MPRIP: variants seen among roughly 807,000 people sequenced by gnomAD.
MPRIP encodes the protein myosin phosphatase Rho-interacting protein.
Under a neutral mutation model 234.9 loss-of-function variants are expected in MPRIP, and 59 were observed. The ratio of observed to expected loss-of-function variants is 0.25; its 90% CI spans 0.20 to 0.31. The LOEUF is 0.31. Among genes scored for constraint, MPRIP ranks in the 10% least tolerant of loss-of-function variants. The pLI is 1.00. For missense variants in MPRIP, 2,436 were observed against 3,071.0 expected (o/e 0.79, Z 4.89); for synonymous variants, 1,144 against 1,263.9 (o/e 0.91, Z 2.01).
chr17:17,049,708 G>A (rs1338407615), intron 1 of MPRIP, among the ~76,000 whole-genome samples: 4 of 152,180 alleles, frequency 2.6e-5, no homozygotes, highest in Non-Finnish European at 4.4e-5. Flanking sequence ...AAATCGAGGA[G>A]GTTGTGTAGG....
At chr17:17,087,503 C>T (rs1293360735) in intron 3 of MPRIP, among the ~76,000 whole-genome samples, 4 of 152,326 alleles carry the variant, frequency 2.6e-5, no homozygotes, top group South Asian at 2.1e-4. Context: ...AGGAAGGGAC[C>T]TCTGCAGGTA....
intron 1 of MPRIP, among the ~76,000 whole-genome samples, chr17:17,063,141 G>T (rs1198556492): frequency 6.6e-6 from 1 of 152,262 alleles, no homozygotes; most frequent in African/African-American, 2.4e-5. Flanking sequence ...GGTGTGGGAG[G>T]CAGAGGTGCA....
intron 1 of MPRIP, among the ~76,000 whole-genome samples, chr17:17,071,910 C>T (rs1410212645): frequency 6.6e-6 from 1 of 152,180 alleles, no homozygotes; most frequent in Non-Finnish European, 1.5e-5. Flanking sequence ...GCTTCTCCTG[C>T]CTCCCTCCAA....
At chr17:17,119,833 C>T (rs1029046221) in intron 3 of MPRIP, among the ~76,000 whole-genome samples, 1 of 152,222 alleles carries the variant, frequency 6.6e-6, no homozygotes, top group African/African-American at 2.4e-5. Context: ...ATACAGTGCA[C>T]ATGGTAGAAA....
chr17:17,142,811 G>A (rs370113289), intron 8 of MPRIP, 46 bp downstream of exon 8: 107 of 1,595,328 alleles, frequency 6.7e-5, no homozygotes, highest in South Asian at 2.4e-4. Context: ...GCTCGGGGGC[G>A]GGTCAGCATG....
intron 3 of MPRIP, among the ~76,000 whole-genome samples, chr17:17,103,810 C>G (rs771530566): frequency 7.2e-5 from 11 of 152,342 alleles, no homozygotes; most frequent in South Asian, 2.1e-4. Flanking sequence ...GATGATGGCC[C>G]TTCGCACATG....
At chr17:17,072,744 C>T (rs1463784146) in intron 1 of MPRIP, among the ~76,000 whole-genome samples, 1 of 152,120 alleles carries the variant, frequency 6.6e-6, no homozygotes, top group Non-Finnish European at 1.5e-5. Context: ...GTTCCTGTCC[C>T]TGGCTCCCTG....
Position 17,143,567 on chromosome 17 carries a change from T to TG in MPRIP, c.1402dup (p.Glu468GlyfsTer47). 6.3e-7 allele frequency: 1 copy of TG among 1,596,702 alleles called. No homozygotes were observed. Among genetic ancestry groups the TG allele is most frequent in the Non-Finnish European group, 8.5e-7 (1 of 1,171,336 alleles). ...GCTCTCTGCCACAGGACTTCACCAA[T>TG]GAAGCCCCCCCAGCTCCTCTCCCAG... On this transcript the variant is annotated frameshift_variant, in exon 9 of 24. Coordinates refer to ENST00000651222, the MANE Select transcript of MPRIP (RefSeq NM_001364716.4). LOFTEE classifies it high-confidence loss of function.
chr17:17,111,178 T>G (rs1410394210), intron 3 of MPRIP, among the ~76,000 whole-genome samples: 3 of 114,740 alleles, frequency 2.6e-5, no homozygotes, highest in Admixed American at 1.9e-4. Context: ...AGAAAAAACC[T>G]CTAGGCACAG....
intron 3 of MPRIP, among the ~76,000 whole-genome samples, chr17:17,104,745 C>T (rs1420958343): frequency 6.6e-6 from 1 of 152,292 alleles, no homozygotes; most frequent in African/African-American, 2.4e-5. Flanking sequence ...TGCAGGGAGC[C>T]GCTGCCTCCC....
rs905662245 is a variant in MPRIP, at chr17:17,064,903, G to A, written c.124-10807G>A. On this transcript the variant is annotated intron_variant, in intron 1 of 23. Coordinates refer to ENST00000651222, the MANE Select transcript of MPRIP (RefSeq NM_001364716.4). ...TGCAGTTCCTAGGTTGTAGGTAGTT[G>A]CATGTTTAGTTTTTTTAAAAACTGC... Among the ~76,000 whole-genome samples, 3 of 152,280 alleles carry A rather than the reference G, an allele frequency of 2.0e-5. No individual in the cohort carries two copies. In the East Asian group the frequency reaches 5.8e-4, roughly 29 times the overall value.
At chr17:17,119,194 C>T (rs1209723924) in intron 3 of MPRIP, among the ~76,000 whole-genome samples, 1 of 152,172 alleles carries the variant, frequency 6.6e-6, no homozygotes, top group East Asian at 1.9e-4. Flanking sequence ...GGAAGGACCT[C>T]TCCTTAGACC....
chr17:17,117,414 A>C (rs901068167), intron 3 of MPRIP, among the ~76,000 whole-genome samples: 2 of 152,014 alleles, frequency 1.3e-5, no homozygotes, highest in African/African-American at 4.8e-5. Flanking sequence ...CTTTTTCTCT[A>C]TGGGTTGGCC....
intron 9 of MPRIP, among the ~76,000 whole-genome samples, chr17:17,145,653 T>G (rs997992524): frequency 2.6e-5 from 4 of 152,246 alleles, no homozygotes; most frequent in Non-Finnish European, 5.9e-5. Flanking sequence ...AATTCTCCTT[T>G]CAGCCTTCCC....
intron 15 of MPRIP, among the ~76,000 whole-genome samples, chr17:17,162,753 G>A (rs1363363028): frequency 1.3e-5 from 2 of 152,162 alleles, no homozygotes; most frequent in South Asian, 2.1e-4. Context: ...AAAACTGAAC[G>A]CTGACATTAT....
At chr17:17,129,321 C>G (rs1244214138) in intron 4 of MPRIP, among the ~76,000 whole-genome samples, 2 of 152,176 alleles carry the variant, frequency 1.3e-5, no homozygotes, top group Non-Finnish European at 2.9e-5. Flanking sequence ...CGGGCTCTGC[C>G]GTCCCTATCC....
At chr17:17,052,666 T>G (rs2088577547) in intron 1 of MPRIP, among the ~76,000 whole-genome samples, 1 of 152,224 alleles carries the variant, frequency 6.6e-6, no homozygotes, top group African/African-American at 2.4e-5. Context: ...GGGGCGTGTG[T>G]GTGAACGGTG....
At chr17:17,173,149 C>T (rs1280018170) in intron 18 of MPRIP, among the ~76,000 whole-genome samples, 7 of 152,262 alleles carry the variant, frequency 4.6e-5, no homozygotes, top group Non-Finnish European at 1.0e-4. Flanking sequence ...GCCAGGCAGC[C>T]GGGCTTGGTC....
At position 17,042,496 on chromosome 17, in the gene MPRIP, C is replaced by A. The variant is rs1403248204; in HGVS notation, c.-353C>A. The A allele has an allele frequency of 4.1e-5, 6 of 146,836 alleles. No individual in the cohort carries two copies. Among genetic ancestry groups the A allele is most frequent in the African/African-American group, 1.5e-4 (6 of 40,822 alleles). The allele number at this position is 146,836 out of a possible 1,614,324, so 9.1% of individuals were successfully genotyped here. A position where few individuals can be genotyped will look rare whatever the true frequency, so the allele number is the denominator to read the frequency against. ...GCTCCGGTCCCATTTGCAGCGGCCG[C>A]GGGGCGCCGAGGGCAGCTGCGGCGG... On this transcript the variant is annotated 5_prime_UTR_variant, in exon 1 of 24. Transcript: ENST00000651222.
Sources: gnomAD v4.1 joint callset for allele counts (sites outside exome capture counted in the v4.1 genomes callset) on GRCh38, gnomAD v4.1.1 for gene constraint, MANE v1.5 for transcripts, NCBI Gene and HGNC (gene_info 2026-07-23, HGNC 2026-07-21) for gene names.